Variants in OCIAD1 observed in about 807,000 individuals in gnomAD.
OCIAD1 encodes the protein OCIA domain-containing protein 1.
In OCIAD1, 29 loss-of-function variants were observed where a neutral mutation model predicts 38.9. The observed-to-expected ratio is 0.74, with a 90% CI of 0.55 to 1.02. OCIAD1 has a LOEUF of 1.02. OCIAD1 is among the 50% of genes least tolerant of loss of function. The pLI, the probability that OCIAD1 is intolerant of heterozygous loss-of-function variation, is 0.00. For synonymous variants in OCIAD1, 110 were observed against 92.0 expected (o/e 1.20, Z -1.12); for missense variants, 288 against 289.6 (o/e 0.99, Z 0.04).
At chr4:48,833,275 G>C (rs1560417192) in intron 2 of OCIAD1, 126 bp from the exon 3 acceptor site, 1 of 632,200 alleles carries the variant, frequency 1.6e-6, no homozygotes. Context: ...AAGTGCATAA[G>C]CCAGTTGTTT....
chr4:48,810,490 A>AAG (rs1777075958), intron 1 of OCIAD1, among the ~76,000 whole-genome samples: 2 of 151,378 alleles, frequency 1.3e-5, no homozygotes, highest in African/African-American at 4.9e-5. Context: ...AAAAAAAAAA[A>AAG]AGAGATGAGA....
At chr4:48,807,728 G>A (rs576074311) in intron 1 of OCIAD1, among the ~76,000 whole-genome samples, 1 of 152,238 alleles carries the variant, frequency 6.6e-6, no homozygotes, top group Admixed American at 6.5e-5. Flanking sequence ...TCTCATCTCT[G>A]ATGATTCTGC....
At chr4:48,833,951 A>G (rs1239536107) in intron 3 of OCIAD1, among the ~76,000 whole-genome samples, 1 of 152,140 alleles carries the variant, frequency 6.6e-6, no homozygotes, top group Non-Finnish European at 1.5e-5. Context: ...TTCCCATTTT[A>G]TCATTGTGAA....
In OCIAD1 at chr4:48,860,725, T is replaced by A. The variant is rs372158122; in HGVS notation, c.701T>A (p.Val234Asp). The change falls in exon 9 of 9, where the codon GTC becomes GAC. Residue 234 changes from valine to aspartate, a missense_variant and splice_region_variant. Transcript: ENST00000264312. ...PMHERVPKKE[V>D]KVNKYGDTWD... ...TCAATTATTTATGCTTTTTTCCTAG[T>A]CAAAGTAAACAAGTATGGAGATACT... The A allele has an allele frequency of 2.5e-6, 4 of 1,595,004 alleles. No individual in the cohort carries two copies. The highest frequency in any genetic ancestry group is 3.4e-6 in the Non-Finnish European group (4 of 1,163,652).
intron 1 of OCIAD1, among the ~76,000 whole-genome samples, chr4:48,812,126 CA>C (rs972117161): frequency 6.6e-6 from 1 of 150,438 alleles, no homozygotes; most frequent in Non-Finnish European, 1.5e-5. Flanking sequence ...ACTAAAAATA[CA>C]AAAAAATTAG....
At chr4:48,841,561 G>A (rs1404771605) in intron 3 of OCIAD1, among the ~76,000 whole-genome samples, 3 of 152,080 alleles carry the variant, frequency 2.0e-5, no homozygotes, top group Non-Finnish European at 4.4e-5. Flanking sequence ...TGCCTAACAG[G>A]TACCAAAATT....
chr4:48,823,809 T>G (rs1777220992), intron 1 of OCIAD1, among the ~76,000 whole-genome samples: 1 of 132,914 alleles, frequency 7.5e-6, no homozygotes, highest in African/African-American at 2.8e-5. Context: ...ACTGCAGGGG[T>G]GCCACAATGC....
intron 1 of OCIAD1, among the ~76,000 whole-genome samples, chr4:48,823,613 A>G (rs1180020885): frequency 1.3e-5 from 2 of 151,924 alleles, no homozygotes; most frequent in Non-Finnish European, 2.9e-5. Context: ...ATGGCTATAC[A>G]CATTTCCTTT....
intron 3 of OCIAD1, among the ~76,000 whole-genome samples, chr4:48,840,569 T>C (rs1778419603): frequency 6.6e-6 from 1 of 152,264 alleles, no homozygotes; most frequent in Non-Finnish European, 1.5e-5. Flanking sequence ...TCATGAAATC[T>C]GTAATAATTC....
chr4:48,860,406 A>G (rs1474161795), intron 8 of OCIAD1, among the ~76,000 whole-genome samples: 1 of 151,600 alleles, frequency 6.6e-6, no homozygotes, highest in Non-Finnish European at 1.5e-5. Context: ...AAACAGACCT[A>G]TACTCAAATC....
chr4:48,847,271 G>C (rs564575211), intron 4 of OCIAD1, among the ~76,000 whole-genome samples: 1 of 152,188 alleles, frequency 6.6e-6, no homozygotes, highest in Admixed American at 6.5e-5. Flanking sequence ...GTTTAAGTCT[G>C]TTAACCATTT....
intron 1 of OCIAD1, among the ~76,000 whole-genome samples, chr4:48,810,309 AAC>A (rs1479490012): frequency 1.3e-5 from 2 of 151,688 alleles, no homozygotes; most frequent in Non-Finnish European, 2.9e-5. Context: ...CTCTACTAAA[AAC>A]ACAAAAAATT....
At chr4:48,836,682 G>A (rs1778017090) in intron 3 of OCIAD1, among the ~76,000 whole-genome samples, 3 of 152,174 alleles carry the variant, frequency 2.0e-5, no homozygotes, top group African/African-American at 7.2e-5. Flanking sequence ...GATAGTGAAA[G>A]AATCAACAAA....
chr4:48,844,269 T>C (rs754137692), intron 4 of OCIAD1, among the ~76,000 whole-genome samples: 3 of 152,052 alleles, frequency 2.0e-5, no homozygotes, highest in Non-Finnish European at 2.9e-5. Context: ...CAGGAGAAAT[T>C]ATAATTTGGA....
intron 5 of OCIAD1, among the ~76,000 whole-genome samples, chr4:48,848,934 G>A (rs1446478881): frequency 6.6e-6 from 1 of 152,094 alleles, no homozygotes; most frequent in Admixed American, 6.6e-5. Context: ...AGAAAATGTG[G>A]CACATATACA....
chr4:48,848,625 A>C, intron 5 of OCIAD1, 179 bp downstream of exon 5: 1 of 404,278 alleles, frequency 2.5e-6, no homozygotes, highest in Non-Finnish European at 4.4e-6. Flanking sequence ...TAGCATAAAA[A>C]ATCATCAGTT....
Position 48,851,789 on chromosome 4 carries a change from A to G in OCIAD1, c.378-17A>G, listed in dbSNP as rs1325377663. The G allele has an allele frequency of 6.8e-7, 1 of 1,473,886 alleles. No individual in the cohort carries two copies. Among genetic ancestry groups the G allele is most frequent in the Non-Finnish European group, 9.5e-7 (1 of 1,053,994 alleles). 91.3% of individuals were successfully genotyped at this position (1,473,886 alleles called of 1,614,324 possible). ...AATGACTCATATTTCTTACTACAAT[A>G]TGATTTTCATTTACAGGCACTATTA... On this transcript the variant is annotated splice_polypyrimidine_tract_variant and intron_variant, in intron 6 of 8. Coordinates refer to ENST00000264312, the MANE Select transcript of OCIAD1 (RefSeq NM_017830.4).
upstream of OCIAD1, among the ~76,000 whole-genome samples, chr4:48,826,469 C>CAAA (rs1263990352): frequency 6.6e-6 from 1 of 152,162 alleles, no homozygotes; most frequent in African/African-American, 2.4e-5. Context: ...CATGTCCCTA[C>CAAA]AAAGGACATG....
At chr4:48,832,906 C>A (rs1777646893) in intron 2 of OCIAD1, 1 of 534,586 alleles carries the variant, frequency 1.9e-6, no homozygotes, top group South Asian at 2.4e-5. Context: ...GGTAGCCAGT[C>A]CTGACTAGCA....
Sources: gnomAD v4.1 joint callset for allele counts (sites outside exome capture counted in the v4.1 genomes callset) on GRCh38, gnomAD v4.1.1 for gene constraint, MANE v1.5 for transcripts, NCBI Gene and HGNC (gene_info 2026-07-23, HGNC 2026-07-21) for gene names.